PLS1: variants seen among roughly 807,000 people sequenced by gnomAD.
The protein encoded by PLS1 is plastin-1.
Under a neutral mutation model 73.7 loss-of-function variants are expected in PLS1, and 32 were observed. The ratio of observed to expected loss-of-function variants is 0.43; its 90% confidence interval spans 0.33 to 0.58. The LOEUF (loss-of-function observed/expected upper bound fraction) is 0.58. Among genes scored for constraint, PLS1 ranks in the 20% least tolerant of loss-of-function variants. PLS1 has a pLI of 0.04. For synonymous variants in PLS1, 217 were observed against 261.3 expected (o/e 0.83, Z 1.63); for missense variants, 633 against 740.5 (o/e 0.85, Z 1.68).
intron 1 of PLS1, among the ~76,000 whole-genome samples, chr3:142,598,564 AAAGAG>A (rs1353625681): frequency 6.6e-6 from 1 of 152,208 alleles, no homozygotes; most frequent in East Asian, 1.9e-4. Flanking sequence ...AAAGTGGAGA[AAAGAG>A]GGCACAGAAT....
chr3:142,685,881 A>C (rs2037954751), intron 8 of PLS1, among the ~76,000 whole-genome samples: 1 of 152,208 alleles, frequency 6.6e-6, no homozygotes, highest in South Asian at 2.1e-4. Flanking sequence ...TAGTGTGATC[A>C]CTGTTTACTT....
At chr3:142,631,503 C>G (rs2036560654) in intron 1 of PLS1, among the ~76,000 whole-genome samples, 1 of 147,824 alleles carries the variant, frequency 6.8e-6, no homozygotes. Flanking sequence ...CAAAAACAAC[C>G]AAAAATCCCA....
chr3:142,648,586 CA>C (rs1418365060), intron 1 of PLS1, among the ~76,000 whole-genome samples: 1 of 152,066 alleles, frequency 6.6e-6, no homozygotes, highest in Non-Finnish European at 1.5e-5. Context: ...ACTGGAACTT[CA>C]AAACAATAAT....
chr3:142,641,175 T>TAATA (rs200527473), intron 1 of PLS1, among the ~76,000 whole-genome samples: 1 of 143,344 alleles, frequency 7.0e-6, no homozygotes, highest in African/African-American at 2.6e-5. Context: ...TATATATATA[T>TAATA]TATATATATA....
rs201497032 is a variant in PLS1, at chr3:142,694,572, T to C, written c.1256+25T>C. ...GGTAAATATTTTATTGTGCTTCAGCTTTACTGTCAGGGTCCAACTTTTCAA... is the reference window on the plus strand; with the variant it reads ...GGTAAATATTTTATTGTGCTTCAGCCTTACTGTCAGGGTCCAACTTTTCAA... On this transcript the variant is annotated intron_variant, in intron 11 of 15. Coordinates refer to ENST00000457734, the MANE Select transcript of PLS1 (RefSeq NM_001145319.2). The C allele has an allele frequency of 1.7e-4, 224 of 1,345,394 alleles. 1 individual carries two copies. The highest frequency in any genetic ancestry group is 1.7e-4 in the Non-Finnish European group (161 of 940,904). 83.3% of individuals were successfully genotyped at this position (1,345,394 alleles called of 1,614,324 possible).
At chr3:142,651,248 T>A (rs1197283552) in intron 1 of PLS1, among the ~76,000 whole-genome samples, 1 of 151,808 alleles carries the variant, frequency 6.6e-6, no homozygotes, top group Non-Finnish European at 1.5e-5. Context: ...TCACCTGAAG[T>A]TAGGAGTTCG....
chr3:142,632,685 A>G (rs2036592316), intron 1 of PLS1, among the ~76,000 whole-genome samples: 1 of 150,442 alleles, frequency 6.6e-6, no homozygotes, highest in Admixed American at 6.6e-5. Flanking sequence ...TATAACATCT[A>G]CCTCCTGGGT....
intron 9 of PLS1, 23 bp downstream of exon 9, chr3:142,686,399 A>G: frequency 7.3e-7 from 1 of 1,371,750 alleles, no homozygotes; most frequent in Non-Finnish European, 1.0e-6. Context: ...TTTAACTTTT[A>G]AAATATATTG....
chr3:142,613,191 C>T (rs1250244991), intron 1 of PLS1, among the ~76,000 whole-genome samples: 1 of 151,972 alleles, frequency 6.6e-6, no homozygotes, highest in African/African-American at 2.4e-5. Flanking sequence ...AAGTTCTGGG[C>T]TTAGGGCTGG....
At chr3:142,648,595 A>G (rs1405800939) in intron 1 of PLS1, among the ~76,000 whole-genome samples, 1 of 152,212 alleles carries the variant, frequency 6.6e-6, no homozygotes, top group Admixed American at 6.5e-5. Flanking sequence ...TCAAAACAAT[A>G]ATAAAAGCAA....
chr3:142,711,376 C>A, intron 14 of PLS1, 125 bp from the exon 15 acceptor site: 1 of 603,522 alleles, frequency 1.7e-6, no homozygotes, highest in Non-Finnish European at 2.9e-6. Flanking sequence ...TGCAGAAAAG[C>A]TGAACGTTAG....
intron 1 of PLS1, among the ~76,000 whole-genome samples, chr3:142,639,353 G>C (rs2036779424): frequency 6.6e-6 from 1 of 152,138 alleles, no homozygotes; most frequent in Non-Finnish European, 1.5e-5. Flanking sequence ...TGAGGTCCTT[G>C]TGGGGTCCCT....
intron 1 of PLS1, among the ~76,000 whole-genome samples, chr3:142,608,232 AAGAGCTTG>A (rs2036058769): frequency 6.6e-6 from 1 of 152,216 alleles, no homozygotes; most frequent in Non-Finnish European, 1.5e-5. Context: ...TTTTCCTAAC[AAGAGCTTG>A]ATCACATTGG....
intron 2 of PLS1, among the ~76,000 whole-genome samples, chr3:142,665,319 A>G (rs1478950436): frequency 6.6e-6 from 1 of 151,762 alleles, no homozygotes; most frequent in African/African-American, 2.4e-5. Context: ...AAACCAAAAA[A>G]CTGTGAAACT....
At chr3:142,653,536 T>A (rs1275538990) in intron 1 of PLS1, among the ~76,000 whole-genome samples, 6 of 151,300 alleles carry the variant, frequency 4.0e-5, no homozygotes. Flanking sequence ...AATTTTTGTA[T>A]TTTTTTTAGT....
chr3:142,705,899 T>A (rs113044360), intron 14 of PLS1, among the ~76,000 whole-genome samples: 51 of 152,276 alleles, frequency 3.3e-4, no homozygotes, highest in African/African-American at 1.2e-3. Flanking sequence ...TGACATTGAG[T>A]TTTTGTTACT....
At chr3:142,606,099 T>G (rs1430611140) in intron 1 of PLS1, among the ~76,000 whole-genome samples, 1 of 152,200 alleles carries the variant, frequency 6.6e-6, no homozygotes, top group African/African-American at 2.4e-5. Context: ...TCCTGAAACA[T>G]TGTACAAAAG....
intron 1 of PLS1, among the ~76,000 whole-genome samples, chr3:142,621,111 T>C (rs1458658901): frequency 6.6e-6 from 1 of 152,198 alleles, no homozygotes; most frequent in Admixed American, 6.5e-5. Context: ...TTCTACATAG[T>C]TGTTACTGAG....
At chr3:142,649,524 G>C (rs563812935) in intron 1 of PLS1, among the ~76,000 whole-genome samples, 3 of 151,906 alleles carry the variant, frequency 2.0e-5, no homozygotes, top group Non-Finnish European at 4.4e-5. Context: ...TGAAATCTCA[G>C]CTACTAGGGA....
Sources: gnomAD v4.1 joint callset for allele counts (sites outside exome capture counted in the v4.1 genomes callset) on GRCh38, gnomAD v4.1.1 for gene constraint, MANE v1.5 for transcripts, NCBI Gene and HGNC (gene_info 2026-07-23, HGNC 2026-07-21) for gene names.